DGKG: variants seen among roughly 807,000 people sequenced by gnomAD.
The protein encoded by DGKG is diacylglycerol kinase gamma, also known as DAG kinase gamma.
In DGKG, 78 loss-of-function variants were observed where a neutral mutation model predicts 105.3. The ratio of observed to expected loss-of-function variants is 0.74; its 90% CI spans 0.62 to 0.89. The LOEUF (loss-of-function observed/expected upper bound fraction) is 0.89, where lower values mean the gene tolerates loss of function less well. DGKG is among the 40% of genes least tolerant of loss of function. The pLI is 0.00. For synonymous variants in DGKG, 346 were observed against 367.1 expected, an observed-to-expected ratio of 0.94 and a Z score of 0.66; for missense variants, 958 against 1,020.1, an observed-to-expected ratio of 0.94 and a Z score of 0.83.
intron 22 of DGKG, among the ~76,000 whole-genome samples, chr3:186,174,064 G>A (rs777181410): frequency 1.3e-5 from 2 of 152,246 alleles, no homozygotes; most frequent in Non-Finnish European, 2.9e-5. Context: ...GACAGGTTGT[G>A]AAACAGCACG....
At chr3:186,192,879 C>T (rs754904786) in intron 21 of DGKG, among the ~76,000 whole-genome samples, 2 of 152,198 alleles carry the variant, frequency 1.3e-5, no homozygotes, top group Non-Finnish European at 2.9e-5. Context: ...TAAAAAAGTA[C>T]ATCACCAGCA....
intron 24 of DGKG, chr3:186,161,221 TTTGAC>T: frequency 1.0e-6 from 1 of 996,282 alleles, no homozygotes; most frequent in Non-Finnish European, 1.2e-6. Context: ...AAGGAAGCAA[TTTGAC>T]TTGTTCATCA....
intron 7 of DGKG, among the ~76,000 whole-genome samples, chr3:186,282,980 C>T (rs566180377): frequency 1.3e-5 from 2 of 151,724 alleles, no homozygotes; most frequent in African/African-American, 2.4e-5. Flanking sequence ...GTGATCTTGG[C>T]TCACTGCAAC....
intron 20 of DGKG, among the ~76,000 whole-genome samples, chr3:186,229,919 A>G (rs1398259956): frequency 6.6e-6 from 1 of 152,220 alleles, no homozygotes; most frequent in African/African-American, 2.4e-5. Context: ...ACAATGAATT[A>G]TAGAAGACAA....
chr3:186,174,800 T>C (rs1716997749), intron 22 of DGKG, among the ~76,000 whole-genome samples: 1 of 152,076 alleles, frequency 6.6e-6, no homozygotes, highest in South Asian at 2.1e-4. Context: ...GGTTGGATAC[T>C]CTTAGGCCAG....
chr3:186,241,092 C>T (rs1317949423), intron 20 of DGKG, among the ~76,000 whole-genome samples: 1 of 152,084 alleles, frequency 6.6e-6, no homozygotes, highest in Non-Finnish European at 1.5e-5. Flanking sequence ...TATCGGATCC[C>T]ACAGATCGCT....
chr3:186,324,527 A>C (rs1725241007), intron 1 of DGKG, among the ~76,000 whole-genome samples: 1 of 152,070 alleles, frequency 6.6e-6, no homozygotes, highest in South Asian at 2.1e-4. Context: ...AAAAAAAAAA[A>C]AAACCCAAAA....
At chr3:186,199,771 CCA>C (rs1341935853) in intron 21 of DGKG, among the ~76,000 whole-genome samples, 1 of 152,184 alleles carries the variant, frequency 6.6e-6, no homozygotes, top group Non-Finnish European at 1.5e-5. Context: ...CCTCAGCCTC[CCA>C]CAGTGCTGGA....
chr3:186,240,568 G>T (rs1720635292), intron 20 of DGKG, among the ~76,000 whole-genome samples: 1 of 152,178 alleles, frequency 6.6e-6, no homozygotes, highest in Non-Finnish European at 1.5e-5. Flanking sequence ...CCAGCACTTT[G>T]GGAGCCTGAG....
Position 186,148,618 on chromosome 3 carries a change from G to A in DGKG, c.*1472C>T, listed in dbSNP as rs890721324. On this transcript the variant is annotated 3_prime_UTR_variant, in exon 25 of 25. Coordinates refer to ENST00000265022, the MANE Select transcript of DGKG (RefSeq NM_001346.3). The stretch of plus-strand genomic sequence containing the variant: ...TTTCTCCATTAAATATCTTTGTAAC[G>A]GCACCTACTCTCAAGCTGCATTAGC... 1.5e-5 allele frequency: 15 copies of A among 985,090 alleles called. No homozygotes were observed. Among genetic ancestry groups the A allele is most frequent in the African/African-American group, 1.7e-5 (1 of 57,152 alleles). 61.0% of individuals were successfully genotyped at this position (985,090 alleles called of 1,614,324 possible).
chr3:186,290,536 A>T (rs1055552532), intron 5 of DGKG, among the ~76,000 whole-genome samples: 6 of 152,264 alleles, frequency 3.9e-5, no homozygotes, highest in Non-Finnish European at 1.5e-5. Flanking sequence ...AATGGTTCAT[A>T]GGACATTATA....
At chr3:186,283,542 T>C (rs1722924179) in intron 7 of DGKG, among the ~76,000 whole-genome samples, 1 of 152,228 alleles carries the variant, frequency 6.6e-6, no homozygotes, top group South Asian at 2.1e-4. Flanking sequence ...TTTCCTTTCC[T>C]TTATTTTTCT....
chr3:186,313,218 T>C (rs1464459676), intron 2 of DGKG, among the ~76,000 whole-genome samples: 4 of 152,200 alleles, frequency 2.6e-5, no homozygotes, highest in Non-Finnish European at 5.9e-5. Flanking sequence ...GGGCAGAACA[T>C]TGGAAGTATT....
At chr3:186,220,637 G>A (rs1275500446) in intron 20 of DGKG, among the ~76,000 whole-genome samples, 2 of 152,176 alleles carry the variant, frequency 1.3e-5, no homozygotes, top group East Asian at 1.9e-4. Context: ...TATGGCTGTA[G>A]GATCCCAGCT....
chr3:186,219,452 A>G (rs1719460328), intron 20 of DGKG, among the ~76,000 whole-genome samples: 1 of 152,220 alleles, frequency 6.6e-6, no homozygotes, highest in Non-Finnish European at 1.5e-5. Flanking sequence ...GGTTCAAGGG[A>G]AAGTGAACAC....
At position 186,178,384 on chromosome 3, in the gene DGKG, T is replaced by A. The variant is rs1248765080; in HGVS notation, c.2095+9818A>T. On this transcript the variant is annotated intron_variant, in intron 22 of 24. Coordinates refer to ENST00000265022, the MANE Select transcript of DGKG (RefSeq NM_001346.3). ...ATGAATTCTGCAGGGGAACAGAGACTAGTTTGGGGGTCAAGATGGGCAAGT... is the reference window on the plus strand; with the variant it reads ...ATGAATTCTGCAGGGGAACAGAGACAAGTTTGGGGGTCAAGATGGGCAAGT... Among the ~76,000 whole-genome samples the A allele has an allele frequency of 2.0e-5, 3 of 152,062 alleles. 1 individual carries two copies. Among genetic ancestry groups the A allele is most frequent in the Non-Finnish European group, 4.4e-5 (3 of 67,992 alleles).
rs1275844243 is a variant in DGKG, at chr3:186,330,116, CAGA to C, written c.-248-9412_-248-9410del. Among the ~76,000 whole-genome samples the C allele has an allele frequency of 3.3e-5, 5 of 152,278 alleles. No individual in the cohort carries two copies. The East Asian group carries it at 9.6e-4, about 29-fold the overall frequency. ...GGTGATAAAAAGAATTCAAGAAGAACAGAAGATGCAAGTTGCAGTACAATTGTT... is the reference window on the plus strand; with the variant it reads ...GGTGATAAAAAGAATTCAAGAAGAACAGATGCAAGTTGCAGTACAATTGTT... On this transcript the variant is annotated intron_variant, in intron 1 of 24. Transcript: ENST00000265022.
chr3:186,284,295 C>A lies in DGKG; in HGVS notation c.594+365G>T, dbSNP rs1027733331. On this transcript the variant is annotated intron_variant, in intron 7 of 24. Coordinates refer to ENST00000265022, the MANE Select transcript of DGKG (RefSeq NM_001346.3). The surrounding 1 kb of genome is among the most constrained non-coding windows in gnomAD (Gnocchi z 4.0). Reference sequence around the variant, plus strand: ...GCAGCCTCCTTCCTCGTGCCCTTTTCCCTTGGTCTTGTTGCCTCCCCCGCC... The same window carrying A: ...GCAGCCTCCTTCCTCGTGCCCTTTTACCTTGGTCTTGTTGCCTCCCCCGCC... Among the ~76,000 whole-genome samples, 1 of 152,148 alleles carries A rather than the reference C, an allele frequency of 6.6e-6. No homozygotes were observed. Among genetic ancestry groups the A allele is most frequent in the Admixed American group, 6.5e-5 (1 of 15,274 alleles).
At chr3:186,333,880 C>T (rs543643041) in intron 1 of DGKG, among the ~76,000 whole-genome samples, 98 of 152,100 alleles carry the variant, frequency 6.4e-4, no homozygotes, top group Middle Eastern at 6.8e-3. Flanking sequence ...TAACAGTAAC[C>T]GCAACAAAAC....
Sources: allele counts gnomAD v4.1 joint callset (sites outside exome capture counted in the v4.1 genomes callset), GRCh38; gene constraint gnomAD v4.1.1; non-coding constraint Gnocchi (gnomAD v3.1); transcripts MANE v1.5; gene names NCBI Gene and HGNC (gene_info 2026-07-23, HGNC 2026-07-21).